RIN3: variants seen among roughly 807,000 people sequenced by gnomAD.
RIN3 encodes RAB5 interacting protein 3.
Under a neutral mutation model 76.3 loss-of-function variants are expected in RIN3, and 54 were observed. The observed-to-expected ratio is 0.71, with a 90% CI of 0.57 to 0.89. RIN3 has a LOEUF of 0.89. RIN3 is among the 40% of genes least tolerant of loss of function. RIN3 has a pLI of 0.00. For synonymous variants in RIN3, 576 were observed against 564.0 expected, an observed-to-expected ratio of 1.02 and a Z score of -0.30; for missense variants, 1,256 against 1,322.1, an observed-to-expected ratio of 0.95 and a Z score of 0.78.
chr14:92,600,825 G>A (rs1175037949), intron 3 of RIN3, among the ~76,000 whole-genome samples: 4 of 152,230 alleles, frequency 2.6e-5, no homozygotes, highest in Non-Finnish European at 4.4e-5. Context: ...ATTGGAGAAT[G>A]TTAGCAGTAT....
intron 1 of RIN3, among the ~76,000 whole-genome samples, chr14:92,540,810 G>T (rs1295603043): frequency 6.6e-6 from 1 of 152,222 alleles, no homozygotes; most frequent in African/African-American, 2.4e-5. Context: ...GCTAGCCAAG[G>T]GTCGGTTGAG....
chr14:92,682,193 T>C (rs142281406), intron 8 of RIN3, among the ~76,000 whole-genome samples: 1,606 of 152,254 alleles, frequency 0.011, 24 homozygotes, highest in South Asian at 0.07. Flanking sequence ...AGCCATCTCT[T>C]TTCTATACTG....
intron 3 of RIN3, among the ~76,000 whole-genome samples, chr14:92,581,713 T>C (rs1884548107): frequency 6.6e-6 from 1 of 152,204 alleles, no homozygotes. Context: ...TGTCTCATTT[T>C]CCATTAGGCA....
intron 1 of RIN3, among the ~76,000 whole-genome samples, chr14:92,531,981 T>G (rs1384240949): frequency 1.5e-4 from 22 of 150,242 alleles, no homozygotes; most frequent in African/African-American, 5.2e-4. Context: ...CAGGCTGGAG[T>G]GCAGTGGTGT....
chr14:92,632,886 G>T (rs536040225), intron 4 of RIN3, among the ~76,000 whole-genome samples: 2 of 152,334 alleles, frequency 1.3e-5, no homozygotes, highest in South Asian at 4.1e-4. Flanking sequence ...ACCGCATAAT[G>T]GGTGGGAGGT....
chr14:92,664,571 C>T (rs1188922763), intron 7 of RIN3, among the ~76,000 whole-genome samples: 3 of 151,750 alleles, frequency 2.0e-5, no homozygotes, highest in Non-Finnish European at 1.5e-5. Context: ...GGGGTTTCAC[C>T]GTGTTGCCCA....
chr14:92,549,283 C>G (rs1202229749), intron 1 of RIN3, among the ~76,000 whole-genome samples: 21 of 152,210 alleles, frequency 1.4e-4, no homozygotes, highest in Admixed American at 1.4e-3. Context: ...ACCTCCCGCC[C>G]CCTGGCGTGT....
chr14:92,601,940 T>C (rs1490770445), intron 3 of RIN3, among the ~76,000 whole-genome samples: 1 of 152,240 alleles, frequency 6.6e-6, no homozygotes, highest in Non-Finnish European at 1.5e-5. Context: ...GTATTCCTTT[T>C]CTCAGACTTT....
At chr14:92,661,752 CACACACAA>C (rs1194902885) in intron 7 of RIN3, among the ~76,000 whole-genome samples, 33 of 140,946 alleles carry the variant, frequency 2.3e-4, no homozygotes, top group African/African-American at 5.6e-4. Flanking sequence ...CACACACACA[CACACACAA>C]AAAATAGAAT....
intron 4 of RIN3, among the ~76,000 whole-genome samples, chr14:92,617,974 C>T (rs768926485): frequency 7.9e-5 from 12 of 152,124 alleles, no homozygotes; most frequent in Non-Finnish European, 1.5e-4. Context: ...TAAATTATGC[C>T]CTTCTAGAAG....
In RIN3 at chr14:92,648,090, C is replaced by CTT. The variant is rs35034984; in HGVS notation, c.533-3477_533-3476dup. On this transcript the variant is annotated intron_variant, in intron 5 of 9. Coordinates refer to ENST00000216487, the MANE Select transcript of RIN3 (RefSeq NM_024832.5). The surrounding 1 kb of genome is among the most constrained non-coding windows in gnomAD (Gnocchi z 4.1). ...GCTGCAGAGAAAGTTACTCATTTCC[C>CTT]TTTTTTTTTTTTTTTTGGAGCATAA... Among the ~76,000 whole-genome samples, 2,776 of 138,676 alleles carry CTT rather than the reference C, an allele frequency of 0.02. 74 individuals carry two copies. Among genetic ancestry groups the CTT allele is most frequent in the African/African-American group, 0.055 (2,048 of 36,908 alleles). 91.0% of individuals were successfully genotyped at this position (138,676 alleles called of 152,430 possible).
intron 3 of RIN3, among the ~76,000 whole-genome samples, chr14:92,585,996 G>C (rs1884759176): frequency 1.3e-5 from 2 of 152,196 alleles, no homozygotes; most frequent in South Asian, 4.1e-4. Context: ...AGAAAGGCTG[G>C]CAGTTCTGGG....
At chr14:92,557,379 C>T (rs1485432945) in intron 2 of RIN3, among the ~76,000 whole-genome samples, 4 of 152,186 alleles carry the variant, frequency 2.6e-5, no homozygotes, top group Admixed American at 6.5e-5. Context: ...TGAGCACACA[C>T]GTTTTATTTG....
chr14:92,621,789 A>T (rs1886192623), intron 4 of RIN3, among the ~76,000 whole-genome samples: 1 of 152,252 alleles, frequency 6.6e-6, no homozygotes, highest in African/African-American at 2.4e-5. Flanking sequence ...AACATATAAC[A>T]GTAAGTGTAC....
chr14:92,600,740 G>A (rs1398242524), intron 3 of RIN3, among the ~76,000 whole-genome samples: 2 of 152,190 alleles, frequency 1.3e-5, no homozygotes, highest in Non-Finnish European at 2.9e-5. Flanking sequence ...TCTCTCTCTC[G>A]AGCAGGGTGT....
intron 3 of RIN3, among the ~76,000 whole-genome samples, chr14:92,587,813 A>G (rs1223357133): frequency 6.6e-6 from 1 of 152,086 alleles, no homozygotes; most frequent in Non-Finnish European, 1.5e-5. Flanking sequence ...TTGGCTCAGC[A>G]TGTCTTAGTC....
chr14:92,590,501 G>A (rs60358112), intron 3 of RIN3, among the ~76,000 whole-genome samples: 16,232 of 152,088 alleles, frequency 0.11, 1,213 homozygotes, highest in East Asian at 0.42. Context: ...TGAAGTGCCT[G>A]CTCCCACTTC....
intron 3 of RIN3, among the ~76,000 whole-genome samples, chr14:92,594,515 G>T (rs776117697): frequency 3.3e-5 from 5 of 151,132 alleles, no homozygotes; most frequent in Non-Finnish European, 5.9e-5. Flanking sequence ...ATAACATAAA[G>T]ATAGCTGGAA....
In RIN3 at chr14:92,688,612, C is replaced by G. The variant is rs931005392; in HGVS notation, c.*360C>G. On this transcript the variant is annotated 3_prime_UTR_variant, in exon 10 of 10. Coordinates refer to ENST00000216487, the MANE Select transcript of RIN3 (RefSeq NM_024832.5). ...CCCCCACACCCACCCCATCCTCGGT[C>G]TTTGCAAAGAAGGGCCCGAGCTTAG... 3.5e-6 allele frequency: 1 copy of G among 287,662 alleles called. No homozygotes were observed. The highest frequency in any genetic ancestry group is 7.5e-5 in the East Asian group (1 of 13,394). The allele number at this position is 287,662 out of a possible 1,614,324, so 17.8% of individuals were successfully genotyped here. A position where few individuals can be genotyped will look rare whatever the true frequency, so the allele number is the denominator to read the frequency against.
Sources: gnomAD v4.1 joint callset for allele counts (sites outside exome capture counted in the v4.1 genomes callset) on GRCh38, gnomAD v4.1.1 for gene constraint, Gnocchi (gnomAD v3.1) non-coding constraint, MANE v1.5 for transcripts, NCBI Gene and HGNC (gene_info 2026-07-23, HGNC 2026-07-21) for gene names.